The following PHTF2 variants were observed in gnomAD, a reference collection of about 807,000 sequenced individuals.
PHTF2 encodes putative homeodomain transcription factor 2, also known as protein PHTF2.
A neutral mutation model predicts 101.2 loss-of-function variants in PHTF2; 60 were observed. The ratio of observed to expected loss-of-function variants is 0.59; its 90% confidence interval spans 0.48 to 0.73. The LOEUF (loss-of-function observed/expected upper bound fraction) is 0.73. Ranked by LOEUF, PHTF2 falls within the 30% of genes least tolerant of loss-of-function variation. PHTF2 has a pLI of 0.00. For missense variants in PHTF2, 747 were observed against 908.7 expected, an observed-to-expected ratio of 0.82 and a Z score of 2.29; for synonymous variants, 311 against 307.3, an observed-to-expected ratio of 1.01 and a Z score of -0.13.
At chr7:77,836,989 AAG>A (rs1217000307) in intron 1 of PHTF2, among the ~76,000 whole-genome samples, 1 of 151,970 alleles carries the variant, frequency 6.6e-6, no homozygotes, top group Non-Finnish European at 1.5e-5. Context: ...AAAAAAAAAA[AAG>A]AATTTCAGAT....
At chr7:77,885,322 C>A (rs1490715696) in intron 3 of PHTF2, among the ~76,000 whole-genome samples, 2 of 152,136 alleles carry the variant, frequency 1.3e-5, no homozygotes, top group Non-Finnish European at 2.9e-5. Context: ...GTCTTGAACT[C>A]CTGGTCTCAA....
chr7:77,860,068 G>A (rs117312882), intron 3 of PHTF2, among the ~76,000 whole-genome samples: 3 of 152,228 alleles, frequency 2.0e-5, no homozygotes, highest in Non-Finnish European at 4.4e-5. Flanking sequence ...AAACCAGAGT[G>A]TATATTTCTC....
intron 1 of PHTF2, among the ~76,000 whole-genome samples, chr7:77,824,918 T>A (rs1466219789): frequency 6.6e-6 from 1 of 151,160 alleles, no homozygotes; most frequent in Non-Finnish European, 1.5e-5. Flanking sequence ...ACCTGTAGTC[T>A]TAGCTACTTG....
At chr7:77,918,122 A>G (rs749940598) in intron 9 of PHTF2, among the ~76,000 whole-genome samples, 3 of 152,190 alleles carry the variant, frequency 2.0e-5, no homozygotes, top group Non-Finnish European at 4.4e-5. Context: ...TGCCCTGTTA[A>G]GGAAAGAATA....
intron 1 of PHTF2, among the ~76,000 whole-genome samples, chr7:77,819,134 T>G (rs1417136568): frequency 6.6e-6 from 1 of 152,228 alleles, no homozygotes; most frequent in Non-Finnish European, 1.5e-5. Flanking sequence ...TAAGAGTTTT[T>G]GGTATAGTCT....
intron 1 of PHTF2, among the ~76,000 whole-genome samples, chr7:77,837,064 C>T (rs916861158): frequency 5.9e-5 from 9 of 151,736 alleles, no homozygotes; most frequent in Non-Finnish European, 7.4e-5. Flanking sequence ...AGTTAACTGC[C>T]TAATGTTATG....
chr7:77,947,544 CAG>C (rs1250069831), intron 16 of PHTF2, among the ~76,000 whole-genome samples: 5 of 151,858 alleles, frequency 3.3e-5, no homozygotes. Context: ...GCCTGGGCGA[CAG>C]AGTGAGACTC....
intron 3 of PHTF2, among the ~76,000 whole-genome samples, chr7:77,862,673 C>T (rs1797740941): frequency 6.6e-6 from 1 of 152,094 alleles, no homozygotes; most frequent in African/African-American, 2.4e-5. Context: ...GGAAAACTAG[C>T]CTGGAATCTT....
intron 3 of PHTF2, among the ~76,000 whole-genome samples, chr7:77,865,393 T>G (rs1266360325): frequency 1.3e-5 from 2 of 152,026 alleles, no homozygotes; most frequent in African/African-American, 4.8e-5. Context: ...GCCTGGCTAA[T>G]TTTTGTATTT....
chr7:77,846,534 T>TTTCCC (rs1796295198), intron 2 of PHTF2, among the ~76,000 whole-genome samples: 1 of 148,038 alleles, frequency 6.8e-6, no homozygotes, highest in Non-Finnish European at 1.5e-5. Flanking sequence ...CTGAAATTAG[T>TTTCCC]TTCCCTTCCC....
intron 14 of PHTF2, 79 bp downstream of exon 13, chr7:77,940,381 A>G (rs1805541516): frequency 6.0e-6 from 8 of 1,332,988 alleles, no homozygotes; most frequent in Non-Finnish European, 8.2e-6. Context: ...GTACTTTATT[A>G]TTTCATTATA....
chr7:77,884,979 C>T (rs1046776958), intron 3 of PHTF2, among the ~76,000 whole-genome samples: 12 of 152,158 alleles, frequency 7.9e-5, no homozygotes, highest in African/African-American at 2.9e-4. Context: ...TGCCTATTAA[C>T]ATCTTATGAT....
chr7:77,809,334 C>T (rs2150481537), intron 1 of PHTF2, among the ~76,000 whole-genome samples: 1 of 147,208 alleles, frequency 6.8e-6, no homozygotes, highest in Non-Finnish European at 1.5e-5. Flanking sequence ...TCAAATGATT[C>T]TCCTGCCTCA....
rs201667715 is a variant in PHTF2, at chr7:77,900,550, A to G, written c.217-161A>G. ...TTGAACAATAATAAAATTTATTACAATACTGTAATTGTGTTCTGTTTGTAA... is the reference window on the plus strand; with the variant it reads ...TTGAACAATAATAAAATTTATTACAGTACTGTAATTGTGTTCTGTTTGTAA... On this transcript the variant is annotated intron_variant, in intron 5 of 19. Coordinates refer to ENST00000416283, the Ensembl canonical transcript of PHTF2. The G allele has an allele frequency of 7.1e-4, 425 of 598,048 alleles. 6 individuals are homozygous for G. The East Asian group carries it at 0.012, about 17-fold the overall frequency. 37.0% of individuals were successfully genotyped at this position (598,048 alleles called of 1,614,324 possible).
chr7:77,923,017 T>TC, intron 11 of PHTF2: 2 of 1,162,166 alleles, frequency 1.7e-6, no homozygotes, highest in Admixed American at 4.4e-5. Flanking sequence ...GACTCATACA[T>TC]TGTTTGTTGT....
At chr7:77,950,371 C>G (rs1179834776) in intron 17 of PHTF2, among the ~76,000 whole-genome samples, 1 of 152,042 alleles carries the variant, frequency 6.6e-6, no homozygotes, top group Non-Finnish European at 1.5e-5. Context: ...AGAAAGTATA[C>G]TTGAGCCCGC....
chr7:77,940,879 C>G (rs11978636), intron 15 of PHTF2, among the ~76,000 whole-genome samples: 1 of 152,042 alleles, frequency 6.6e-6, no homozygotes, highest in Non-Finnish European at 1.5e-5. Flanking sequence ...AATGAGTTTC[C>G]TCACAGAAGT....
intron 3 of PHTF2, among the ~76,000 whole-genome samples, chr7:77,891,515 T>TTTGGTCTAGGAAGC (rs1554373548): frequency 6.6e-6 from 1 of 151,812 alleles, no homozygotes; most frequent in African/African-American, 2.4e-5. Context: ...AAGTATGTTG[T>TTTGGTCTAGGAAGC]TTGGTCTAGG....
intron 12 of PHTF2, 27 bp downstream of exon 11, chr7:77,929,354 G>C (rs1159094825): frequency 2.6e-6 from 3 of 1,160,752 alleles, no homozygotes; most frequent in Non-Finnish European, 3.9e-6. Context: ...GGCTTATGTG[G>C]AGCTATGAGT....
Sources: allele counts gnomAD v4.1 joint callset (sites outside exome capture counted in the v4.1 genomes callset), GRCh38; gene constraint gnomAD v4.1.1; transcripts MANE v1.5; gene names NCBI Gene and HGNC (gene_info 2026-07-23, HGNC 2026-07-21).